The following CCDC149 variants were observed in gnomAD, a reference collection of about 807,000 sequenced individuals.
CCDC149 encodes the protein coiled-coil domain containing 149.
CCDC149 carries 45 observed loss-of-function variants against 59.9 expected under a neutral mutation model. The ratio of observed to expected loss-of-function variants is 0.75; its 90% CI spans 0.59 to 0.96. The LOEUF is 0.96. Among genes scored for constraint, CCDC149 ranks in the 40% least tolerant of loss-of-function variants. The pLI, the probability that CCDC149 is intolerant of heterozygous loss-of-function variation, is 0.00. For synonymous variants in CCDC149, 245 were observed against 260.6 expected (o/e 0.94, Z 0.58); for missense variants, 584 against 664.7 (o/e 0.88, Z 1.33).
intron 11 of CCDC149, chr4:24,820,196 T>C: frequency 2.1e-6 from 1 of 482,308 alleles, no homozygotes; most frequent in Non-Finnish European, 3.7e-6. Context: ...TATCACTAAT[T>C]TAGTATTGAA....
chr4:24,822,013 G>A (rs1715434181), intron 10 of CCDC149, among the ~76,000 whole-genome samples: 1 of 152,102 alleles, frequency 6.6e-6, no homozygotes, highest in Non-Finnish European at 1.5e-5. Context: ...TTTAGTACTG[G>A]TGATTAAATT....
At chr4:24,916,497 A>G (rs183474205), upstream of CCDC149, among the ~76,000 whole-genome samples, 26 of 152,304 alleles carry the variant, frequency 1.7e-4, no homozygotes, top group East Asian at 3.9e-3. Flanking sequence ...GACTCTGGCC[A>G]GGTCTCGGCA....
In CCDC149 at chr4:24,912,881, C is replaced by A. The variant is rs1163113534; in HGVS notation, c.-2G>T. On this transcript the variant is annotated 5_prime_UTR_variant, in exon 1 of 13. Transcript: ENST00000635206. ...GCCGTTCATGGCCTCCTCCTCCATG[C>A]GCTGGCCGGCCTCCTGGACCCCCGC... The A allele has an allele frequency of 3.7e-6, 5 of 1,356,346 alleles. No individual in the cohort carries two copies. The highest frequency in any genetic ancestry group is 2.6e-5 in the Admixed American group (1 of 37,802). The allele number at this position is 1,356,346 out of a possible 1,614,324, so 84.0% of individuals were successfully genotyped here.
chr4:24,872,327 A>G (rs865940486), intron 3 of CCDC149, among the ~76,000 whole-genome samples: 1 of 152,226 alleles, frequency 6.6e-6, no homozygotes, highest in Middle Eastern at 3.2e-3. Flanking sequence ...TAAGAGTGTG[A>G]AGTGGCAGAA....
rs546693024 is a variant in CCDC149, at chr4:24,967,029, G to A, written c.-65+13040C>T. ...GCTTTCATTGACAGTTATGGAGGAC[G>A]GTCAGTGAAAGTGAAACCTGTATCT... On this transcript the variant is annotated intron_variant, in intron 1 of 12. Coordinates refer to the CCDC149 transcript ENST00000389609. Among the ~76,000 whole-genome samples, 9 of 152,256 alleles carry A rather than the reference G, an allele frequency of 5.9e-5. 1 individual carries two copies. The South Asian group carries it at 1.5e-3, about 25-fold the overall frequency.
chr4:24,807,148 G>A lies in CCDC149; in HGVS notation c.*1241C>T, dbSNP rs1420895097. The A allele has an allele frequency of 1.3e-5, 2 of 152,164 alleles. No homozygotes were observed. Among genetic ancestry groups the A allele is most frequent in the Non-Finnish European group, 2.9e-5 (2 of 68,030 alleles). 9.4% of individuals were successfully genotyped at this position (152,164 alleles called of 1,614,324 possible). The stretch of plus-strand genomic sequence containing the variant: ...TTCTCAGAGGCATTCTGAGCTTTGG[G>A]ATCTAGTCTCAGGCTTTCCAGGGAA... On this transcript the variant is annotated 3_prime_UTR_variant, in exon 13 of 13. Transcript: ENST00000635206.
intron 1 of CCDC149, among the ~76,000 whole-genome samples, chr4:24,967,513 A>C (rs772426521): frequency 6.6e-5 from 10 of 152,090 alleles, no homozygotes; most frequent in Non-Finnish European, 1.5e-4. Flanking sequence ...ACCACTATGT[A>C]GTGGACTTGG....
At chr4:24,976,837 C>A (rs1020684101) in intron 1 of CCDC149, among the ~76,000 whole-genome samples, 2 of 152,172 alleles carry the variant, frequency 1.3e-5, no homozygotes, top group Non-Finnish European at 2.9e-5. Context: ...GCTCTGGAGC[C>A]AAGCGGGGAT....
intron 1 of CCDC149, among the ~76,000 whole-genome samples, chr4:24,911,309 T>C (rs554288255): frequency 6.6e-6 from 1 of 152,328 alleles, no homozygotes; most frequent in Non-Finnish European, 1.5e-5. Flanking sequence ...CTGTCTACGG[T>C]ATGACCTTCC....
At chr4:24,903,287 C>T (rs561608705) in intron 1 of CCDC149, among the ~76,000 whole-genome samples, 4 of 152,138 alleles carry the variant, frequency 2.6e-5, no homozygotes, top group South Asian at 2.1e-4. Context: ...GTGGCGCCCT[C>T]GACCATAACT....
chr4:24,899,212 C>A (rs770516396), intron 1 of CCDC149, among the ~76,000 whole-genome samples: 3 of 152,056 alleles, frequency 2.0e-5, no homozygotes, highest in Non-Finnish European at 2.9e-5. Flanking sequence ...TGTTCCAAAG[C>A]CAGAAAGATG....
chr4:24,857,932 C>T (rs1275421290), intron 3 of CCDC149, among the ~76,000 whole-genome samples: 1 of 152,146 alleles, frequency 6.6e-6, no homozygotes, highest in Non-Finnish European at 1.5e-5. Context: ...TATTCAGTCC[C>T]TCCACCTCCT....
intron 1 of CCDC149, among the ~76,000 whole-genome samples, chr4:24,976,933 C>T (rs1434779172): frequency 1.3e-5 from 2 of 152,172 alleles, no homozygotes; most frequent in African/African-American, 4.8e-5. Flanking sequence ...CTGCGCTTCC[C>T]AGGATGCCTA....
At chr4:24,854,822 G>A (rs1717899190) in intron 3 of CCDC149, among the ~76,000 whole-genome samples, 1 of 152,104 alleles carries the variant, frequency 6.6e-6, no homozygotes, top group Non-Finnish European at 1.5e-5. Flanking sequence ...TCCTATTTCA[G>A]TGCCAGGGCC....
At chr4:24,909,980 G>T (rs778597734) in intron 1 of CCDC149, among the ~76,000 whole-genome samples, 1 of 152,186 alleles carries the variant, frequency 6.6e-6, no homozygotes, top group Non-Finnish European at 1.5e-5. Flanking sequence ...CATGAAAACG[G>T]ACTAATACAT....
intron 3 of CCDC149, among the ~76,000 whole-genome samples, chr4:24,864,368 A>T (rs1313184370): frequency 6.6e-6 from 1 of 152,104 alleles, no homozygotes; most frequent in Non-Finnish European, 1.5e-5. Context: ...GCCTTTTGAG[A>T]TGTCTTTCTA....
intron 1 of CCDC149, among the ~76,000 whole-genome samples, chr4:24,976,898 C>G (rs1265914519): frequency 1.3e-5 from 2 of 152,194 alleles, no homozygotes; most frequent in African/African-American, 2.4e-5. Flanking sequence ...GAGGAGTGTG[C>G]ATGGACCACA....
intron 1 of CCDC149, among the ~76,000 whole-genome samples, chr4:24,908,316 G>A (rs1577476263): frequency 6.6e-6 from 1 of 152,304 alleles, no homozygotes; most frequent in East Asian, 1.9e-4. Flanking sequence ...TATCTTCAGA[G>A]TCTAAGTCAA....
At chr4:24,878,499 A>G (rs1719620272) in intron 1 of CCDC149, among the ~76,000 whole-genome samples, 1 of 152,228 alleles carries the variant, frequency 6.6e-6, no homozygotes, top group Admixed American at 6.5e-5. Context: ...TCAGAAACCC[A>G]AACTGCAGTG....
Sources: gnomAD v4.1 joint callset for allele counts (sites outside exome capture counted in the v4.1 genomes callset) on GRCh38, gnomAD v4.1.1 for gene constraint, MANE v1.5 for transcripts, NCBI Gene and HGNC (gene_info 2026-07-23, HGNC 2026-07-21) for gene names.